The following PRPSAP1 variants were observed in gnomAD, a reference collection of about 807,000 sequenced individuals.
The protein encoded by PRPSAP1 is phosphoribosyl pyrophosphate synthetase associated protein 1.
A neutral mutation model predicts 39.4 loss-of-function variants in PRPSAP1; 31 were observed. The observed-to-expected ratio is 0.79, with a 90% CI of 0.59 to 1.06. The LOEUF (loss-of-function observed/expected upper bound fraction) is 1.06, where lower values mean the gene tolerates loss of function less well. Ranked by LOEUF, PRPSAP1 falls within the 50% of genes least tolerant of loss-of-function variation. The probability of loss-of-function intolerance (pLI) is 0.00; values close to 1 mark genes in which losing one functional copy is unlikely to be tolerated. For missense variants in PRPSAP1, 430 were observed against 511.6 expected (o/e 0.84, Z 1.54); for synonymous variants, 212 against 192.6 (o/e 1.10, Z -0.83).
In PRPSAP1 at chr17:76,310,474, T is replaced by C. The variant is rs1162623630; in HGVS notation, c.*1068A>G. 1 of 151,810 alleles carries C rather than the reference T, an allele frequency of 6.6e-6. No homozygotes were observed. Among genetic ancestry groups the C allele is most frequent in the Non-Finnish European group, 1.5e-5 (1 of 67,980 alleles). The allele number at this position is 151,810 out of a possible 1,614,324, so 9.4% of individuals were successfully genotyped here. A position where few individuals can be genotyped will look rare whatever the true frequency, so the allele number is the denominator to read the frequency against. On this transcript the variant is annotated 3_prime_UTR_variant, in exon 10 of 10. Transcript: ENST00000446526. ...CATAAGACACGATCCCTGGCCTGTT[T>C]TTTTTTTTTGAGACAGGGTGTTGCT...
At position 76,352,663 on chromosome 17, in the gene PRPSAP1, A is replaced by AAAAAG. The variant is rs1567812326; in HGVS notation, c.170+866_170+870dup. The stretch of plus-strand genomic sequence containing the variant: ...CCGTCTCAAAAAAAAAAAAAAAAAA[A>AAAAAG]AAAAGAAAAGAAAAAGAAAAAGAAA... On this transcript the variant is annotated intron_variant, in intron 1 of 9. Transcript: ENST00000446526. Among the ~76,000 whole-genome samples, 184 of 144,838 alleles carry AAAAAG rather than the reference A, an allele frequency of 1.3e-3. 1 individual carries two copies. Among genetic ancestry groups the AAAAAG allele is most frequent in the African/African-American group, 4.0e-3 (152 of 37,620 alleles).
At chr17:76,328,032 A>T (rs2071271722) in intron 7 of PRPSAP1, among the ~76,000 whole-genome samples, 1 of 152,108 alleles carries the variant, frequency 6.6e-6, no homozygotes, top group African/African-American at 2.4e-5. Context: ...AAAAAGAAAA[A>T]AAAAGGAACA....
intron 1 of PRPSAP1, 73 bp from the exon 2 acceptor site, chr17:76,348,654 T>A (rs2071536556): frequency 9.1e-7 from 1 of 1,100,456 alleles, no homozygotes; most frequent in East Asian, 2.8e-5. Context: ...CATATGCATA[T>A]GTCTAATAAA....
At chr17:76,337,220 C>T (rs1008872869) in intron 3 of PRPSAP1, 1 of 152,054 alleles carries the variant, frequency 6.6e-6, no homozygotes, top group Non-Finnish European at 1.5e-5. Flanking sequence ...GCCCAGACAA[C>T]CAACTACTTT....
At chr17:76,340,821 C>T (rs2071428464) in intron 3 of PRPSAP1, among the ~76,000 whole-genome samples, 2 of 137,894 alleles carry the variant, frequency 1.5e-5, no homozygotes, top group Admixed American at 1.5e-4. Flanking sequence ...ACCTGGGAGG[C>T]GGGGGTTGTG....
intron 7 of PRPSAP1, 72 bp from the exon 8 acceptor site, chr17:76,313,963 T>G: frequency 1.3e-6 from 2 of 1,520,620 alleles, no homozygotes; most frequent in East Asian, 2.3e-5. Context: ...CACAACCTAA[T>G]TCCCTGGAAA....
intron 4 of PRPSAP1, among the ~76,000 whole-genome samples, chr17:76,331,652 G>T (rs528531807): frequency 1.3e-5 from 2 of 152,126 alleles, no homozygotes; most frequent in South Asian, 4.1e-4. Flanking sequence ...CGGGAGATGG[G>T]TTCCTGGAAC....
At chr17:76,349,550 C>A (rs1462724279) in intron 1 of PRPSAP1, among the ~76,000 whole-genome samples, 1 of 151,998 alleles carries the variant, frequency 6.6e-6, no homozygotes, top group Non-Finnish European at 1.5e-5. Context: ...CACCTGAGGT[C>A]AGGAGTTCGA....
chr17:76,316,538 A>G (rs1001388448), intron 7 of PRPSAP1, among the ~76,000 whole-genome samples: 1 of 152,234 alleles, frequency 6.6e-6, no homozygotes, highest in Non-Finnish European at 1.5e-5. Context: ...ACAGGCCAAC[A>G]GTTTTTGAAT....
At chr17:76,317,437 T>G (rs1024138488) in intron 7 of PRPSAP1, among the ~76,000 whole-genome samples, 2 of 152,064 alleles carry the variant, frequency 1.3e-5, no homozygotes, top group African/African-American at 4.8e-5. Flanking sequence ...GGCAGGAGAA[T>G]TGCTTGAACC....
intron 7 of PRPSAP1, among the ~76,000 whole-genome samples, chr17:76,324,164 T>G (rs962379936): frequency 6.7e-6 from 1 of 149,972 alleles, no homozygotes; most frequent in African/African-American, 2.5e-5. Context: ...AAGAAAGTAG[T>G]TCTTTCTTCT....
rs894259434 is a variant in PRPSAP1, at chr17:76,353,889, C to T, written c.-186G>A. 49 of 1,316,094 alleles carry T rather than the reference C, an allele frequency of 3.7e-5. No homozygotes were observed. Among genetic ancestry groups the T allele is most frequent in the Non-Finnish European group, 4.4e-5 (46 of 1,037,168 alleles). 81.5% of individuals were successfully genotyped at this position (1,316,094 alleles called of 1,614,324 possible). On this transcript the variant is annotated 5_prime_UTR_variant, in exon 1 of 10. Transcript: ENST00000446526. ...TACAGCGGCCGAGCCTTCGCAGCGC[C>T]CGGCGCCGCCGCCTCAGAGCCAGAG...
chr17:76,345,128 G>A (rs923367833), intron 2 of PRPSAP1, among the ~76,000 whole-genome samples: 5 of 150,552 alleles, frequency 3.3e-5, no homozygotes, highest in African/African-American at 9.8e-5. Flanking sequence ...CCAGCTACTC[G>A]GGAGGCTGAG....
At chr17:76,332,872 T>C (rs2071337754) in intron 3 of PRPSAP1, among the ~76,000 whole-genome samples, 1 of 151,536 alleles carries the variant, frequency 6.6e-6, no homozygotes, top group African/African-American at 2.4e-5. Flanking sequence ...CCATTGAGTG[T>C]GGGGAGGTCT....
At chr17:76,337,835 G>C (rs1397665341) in intron 3 of PRPSAP1, among the ~76,000 whole-genome samples, 2 of 152,118 alleles carry the variant, frequency 1.3e-5, no homozygotes, top group South Asian at 4.2e-4. Context: ...TCAAACTCCT[G>C]ACCAACTGAT....
At chr17:76,315,764 G>C (rs560793502) in intron 7 of PRPSAP1, among the ~76,000 whole-genome samples, 72 of 137,970 alleles carry the variant, frequency 5.2e-4, no homozygotes, top group South Asian at 2.3e-4. Context: ...TCCCAGGCTG[G>C]AGTGCAGTGG....
intron 4 of PRPSAP1, among the ~76,000 whole-genome samples, chr17:76,331,761 A>C (rs2071324286): frequency 6.6e-6 from 1 of 152,186 alleles, no homozygotes. Flanking sequence ...ATAGAAACCC[A>C]ATTGTAAAAT....
intron 3 of PRPSAP1, among the ~76,000 whole-genome samples, chr17:76,342,435 C>T (rs547925688): frequency 1.4e-4 from 22 of 152,138 alleles, no homozygotes; most frequent in African/African-American, 5.1e-4. Context: ...AAGTCAAGGC[C>T]GGGTGTGGTG....
chr17:76,353,581 C>T lies in PRPSAP1; in HGVS notation c.123G>A (p.Ser41=). ...CCGTGCAGGCGGCCGTGGAGTTGGC[C>T]GAGAAGACTCGGTAGCCGGTGCGAG... ...NAARTGYRVF[S]ANSTAACTEL... is the part of the protein sequence containing the mutation. Residue 41 remains serine (S), a synonymous_variant, in exon 1 of 10, where the codon TCG becomes TCA. Transcript: ENST00000446526. 1 of 1,562,198 alleles carries T rather than the reference C, an allele frequency of 6.4e-7. No individual in the cohort carries two copies.
Sources: gnomAD v4.1 joint callset for allele counts (sites outside exome capture counted in the v4.1 genomes callset) on GRCh38, gnomAD v4.1.1 for gene constraint, MANE v1.5 for transcripts, NCBI Gene and HGNC (gene_info 2026-07-23, HGNC 2026-07-21) for gene names.